Variants in BPIFB4 observed in about 807,000 individuals in gnomAD.
BPIFB4 encodes BPI fold containing family B member 4.
A neutral mutation model predicts 69.2 loss-of-function variants in BPIFB4; 62 were observed. That is an observed-to-expected ratio of 0.90 (90% CI 0.73 to 1.11). BPIFB4 has a LOEUF of 1.11. Ranked by LOEUF, BPIFB4 falls within the 50% of genes least tolerant of loss-of-function variation. The probability of loss-of-function intolerance (pLI) is 0.00; values close to 1 mark genes in which losing one functional copy is unlikely to be tolerated. For missense variants in BPIFB4, 789 were observed against 792.0 expected (o/e 1.00, Z 0.04); for synonymous variants, 330 against 332.7 (o/e 0.99, Z 0.09).
intron 7 of BPIFB4, among the ~76,000 whole-genome samples, chr20:33,088,334 CTG>C (rs1981494705): frequency 1.1e-5 from 1 of 92,130 alleles, no homozygotes; most frequent in Non-Finnish European, 2.1e-5. Context: ...AACTGAGACT[CTG>C]TCTCAAAAAA....
At position 33,086,201 on chromosome 20, in the gene BPIFB4, G is replaced by T. The variant is rs773446063; in HGVS notation, c.926+37G>T. On this transcript the variant is annotated intron_variant, in intron 7 of 17. Coordinates refer to ENST00000375483, the MANE Select transcript of BPIFB4 (RefSeq NM_182519.3). ...CCGGCAGTGGAGTGCCTTGGGGGTT[G>T]CTGGAATGGTCTGTCTTTGGCAAAC... The T allele has an allele frequency of 9.4e-6, 15 of 1,589,264 alleles. No homozygotes were observed. In the African/African-American group the frequency reaches 1.7e-4, roughly 18 times the overall value.
At chr20:33,100,318 C>T (rs1981871867) in intron 13 of BPIFB4, 108 bp from the exon 14 acceptor site, 2 of 899,800 alleles carry the variant, frequency 2.2e-6, no homozygotes, top group East Asian at 4.8e-5. Flanking sequence ...TGCCATCATG[C>T]TCAGGGTTAA....
At chr20:33,082,287 A>G (rs1167120198) in intron 3 of BPIFB4, among the ~76,000 whole-genome samples, 1 of 152,160 alleles carries the variant, frequency 6.6e-6, no homozygotes, top group East Asian at 1.9e-4. Flanking sequence ...GGCCTTGACT[A>G]TTTCCCAAGA....
chr20:33,108,343 A>G (rs1257158862), intron 17 of BPIFB4, among the ~76,000 whole-genome samples: 1 of 151,288 alleles, frequency 6.6e-6, no homozygotes, highest in Non-Finnish European at 1.5e-5. Flanking sequence ...TTTCCACTAT[A>G]AAAACCACCC....
chr20:33,091,354 C>T (rs753218972), intron 10 of BPIFB4, among the ~76,000 whole-genome samples: 4 of 152,210 alleles, frequency 2.6e-5, no homozygotes, highest in Non-Finnish European at 4.4e-5. Context: ...ACCAACATGA[C>T]GTCAGTGGAT....
chr20:33,107,238 GA>G (rs1982088287), intron 16 of BPIFB4, among the ~76,000 whole-genome samples: 1 of 132,430 alleles, frequency 7.6e-6, no homozygotes, highest in Non-Finnish European at 1.7e-5. Flanking sequence ...AGGAAGGAAG[GA>G]AAGAAAAGAA....
chr20:33,083,269 T>C, intron 4 of BPIFB4, 98 bp from the exon 5 acceptor site: 1 of 957,540 alleles, frequency 1.0e-6, no homozygotes, highest in Non-Finnish European at 1.4e-6. Context: ...GGTTGCTGGG[T>C]GGCAGTAGAG....
chr20:33,103,153 G>A, intron 15 of BPIFB4, 139 bp downstream of exon 15: 1 of 955,294 alleles, frequency 1.0e-6, no homozygotes, highest in Non-Finnish European at 1.7e-6. Flanking sequence ...AACACTATCA[G>A]CCCTCATTTT....
At chr20:33,104,786 T>A (rs1229950888) in intron 15 of BPIFB4, 24 bp from the exon 16 acceptor site, 1 of 1,613,120 alleles carries the variant, frequency 6.2e-7, no homozygotes. Context: ...CTGCCCAGGC[T>A]CTGTCCTCCT....
intron 2 of BPIFB4, 80 bp from the exon 3 acceptor site, chr20:33,081,432 G>A (rs1981224944): frequency 6.6e-7 from 1 of 1,514,900 alleles, no homozygotes; most frequent in Admixed American, 2.0e-5. Context: ...GATGACTCTT[G>A]GCTGGGGCTG....
At position 33,080,999 on chromosome 20, in the gene BPIFB4, G is replaced by A. The variant is rs142447913; in HGVS notation, c.-16+423G>A. Among the ~76,000 whole-genome samples, 75 of 152,292 alleles carry A rather than the reference G, an allele frequency of 4.9e-4. 1 individual carries two copies. The highest frequency in any genetic ancestry group is 1.7e-3 in the African/African-American group (70 of 41,562). On this transcript the variant is annotated intron_variant, in intron 2 of 17. Coordinates refer to ENST00000375483, the MANE Select transcript of BPIFB4 (RefSeq NM_182519.3). The stretch of plus-strand genomic sequence containing the variant: ...GATGGATAGATATATGGCTTGCTGG[G>A]TGTTTCCATGACAGATGGGTAATAG...
intron 15 of BPIFB4, among the ~76,000 whole-genome samples, chr20:33,104,536 A>G (rs1164089740): frequency 6.6e-6 from 1 of 152,190 alleles, no homozygotes; most frequent in African/African-American, 2.4e-5. Context: ...CAGGGGAGGA[A>G]CTAGGCCTCC....
intron 16 of BPIFB4, 40 bp from the exon 17 acceptor site, chr20:33,107,704 T>C (rs369217562): frequency 6.6e-7 from 1 of 1,516,316 alleles, no homozygotes; most frequent in East Asian, 2.3e-5. Flanking sequence ...CCAACACCTC[T>C]TGGACCACTG....
chr20:33,103,003 G>A lies in BPIFB4; in HGVS notation c.1669G>A (p.Gly557Ser), dbSNP rs758458637. Residue 557 changes from glycine to serine, a missense_variant, in exon 15 of 18, where the codon GGC (glycine) becomes AGC (serine). Around this residue, in one of 3 missense-constraint regions of BPIFB4, gnomAD observed 170 missense variants for 193.6 expected, o/e 0.88. Coordinates refer to ENST00000375483, the MANE Select transcript of BPIFB4 (RefSeq NM_182519.3). ...TSLNLRTSNV[G>S]NFDIGLMEVL... Reference sequence around the variant, plus strand: ...CCTCAACCTCAGAACCTCAAACGTGGGCAACTTTGATGTAAGTACCATGTT... The same window carrying A: ...CCTCAACCTCAGAACCTCAAACGTGAGCAACTTTGATGTAAGTACCATGTT... 4.6e-5 allele frequency: 74 copies of A among 1,614,036 alleles called. No homozygotes were observed. The Middle Eastern group carries it at 1.3e-3, about 29-fold the overall frequency.
At position 33,111,431 on chromosome 20, in the gene BPIFB4, C is replaced by T. The variant is rs772414529; in HGVS notation, c.1839C>T (p.Ser613=). ...IDVLEDLLVL[S]A is the part of the protein sequence containing the mutation. ...CATCCAAGGACCTTTTGGTGCTGAG[C>T]GCATGAGTGACAGAGGCAGAGATGC... Residue 613 remains serine, a synonymous_variant, in exon 18 of 18, where the codon AGC becomes AGT. Transcript: ENST00000375483. 38 of 1,614,012 alleles carry T rather than the reference C, an allele frequency of 2.4e-5. No homozygotes were observed. Among genetic ancestry groups the T allele is most frequent in the South Asian group, 1.3e-4 (12 of 91,082 alleles).
chr20:33,092,183 A>G (rs112751835), intron 10 of BPIFB4, among the ~76,000 whole-genome samples: 3 of 152,216 alleles, frequency 2.0e-5, no homozygotes, highest in Non-Finnish European at 4.4e-5. Context: ...ACAGATGCAT[A>G]CATATGCTAG....
intron 16 of BPIFB4, among the ~76,000 whole-genome samples, 177 bp from the exon 17 acceptor site, chr20:33,107,567 T>C (rs62210238): frequency 0.22 from 33,585 of 152,004 alleles, 3,981 homozygotes; most frequent in Non-Finnish European, 0.28. Flanking sequence ...ACCTGGGAGG[T>C]GGAGGTTGCA....
At chr20:33,109,873 G>T (rs6088103) in intron 17 of BPIFB4, among the ~76,000 whole-genome samples, 8,856 of 152,080 alleles carry the variant, frequency 0.058, 336 homozygotes, top group Middle Eastern at 0.11. Flanking sequence ...GACCCTGTAG[G>T]CCCCCTGTAA....
chr20:33,081,675 C>G, intron 3 of BPIFB4, 43 bp downstream of exon 3: 2 of 1,546,210 alleles, frequency 1.3e-6, no homozygotes, highest in South Asian at 2.4e-5. Flanking sequence ...ATGGGGTGAG[C>G]AGGGCAGCTC....
Sources: allele counts gnomAD v4.1 joint callset (sites outside exome capture counted in the v4.1 genomes callset), GRCh38; gene constraint gnomAD v4.1.1; regional missense constraint gnomAD v4.1.1; transcripts MANE v1.5; gene names NCBI Gene and HGNC (gene_info 2026-07-23, HGNC 2026-07-21).